Variants in VPS26A observed in about 807,000 individuals in gnomAD.
The protein encoded by VPS26A is VPS26 retromer complex component A, also known as vacuolar protein sorting-associated protein 26A.
In VPS26A, 22 loss-of-function variants were observed where a neutral mutation model predicts 42.4. The observed-to-expected ratio is 0.52, with a 90% CI of 0.37 to 0.74. The LOEUF (loss-of-function observed/expected upper bound fraction) is 0.74, where lower values mean the gene tolerates loss of function less well. VPS26A is among the 30% of genes least tolerant of loss of function. The pLI, the probability that VPS26A is intolerant of heterozygous loss-of-function variation, is 0.00. For synonymous variants in VPS26A, 110 were observed against 123.5 expected (o/e 0.89, Z 0.73); for missense variants, 276 against 379.2 (o/e 0.73, Z 2.26).
At chr10:69,130,747 T>G (rs10762258) in intron 1 of VPS26A, among the ~76,000 whole-genome samples, 8,713 of 152,214 alleles carry the variant, frequency 0.057, 286 homozygotes, top group South Asian at 0.13. Context: ...ACCTTACATG[T>G]TTTTTGCTTA....
chr10:69,151,285 A>AAAAAC (rs1414098287), intron 2 of VPS26A, among the ~76,000 whole-genome samples: 57 of 131,686 alleles, frequency 4.3e-4, no homozygotes, highest in African/African-American at 1.6e-3. Context: ...AAAAAAAAAC[A>AAAAAC]CACACACACA....
intron 2 of VPS26A, among the ~76,000 whole-genome samples, chr10:69,142,357 TA>T (rs201431063): frequency 4.0e-3 from 269 of 67,200 alleles, no homozygotes; most frequent in Non-Finnish European, 0.012. Context: ...CCTGGCTAAT[TA>T]AAAAAATTTT....
At chr10:69,155,942 G>T in intron 3 of VPS26A, 55 bp downstream of exon 3, 2 of 1,401,296 alleles carry the variant, frequency 1.4e-6, no homozygotes, top group Non-Finnish European at 2.0e-6. Context: ...TTTGAAGAGG[G>T]TTGGATTTTG....
intron 1 of VPS26A, among the ~76,000 whole-genome samples, chr10:69,124,538 A>G (rs1403090699): frequency 6.6e-6 from 1 of 152,034 alleles, no homozygotes; most frequent in Non-Finnish European, 1.5e-5. Flanking sequence ...GCGTTCTTCG[A>G]CTGCTTGTTG....
In VPS26A at chr10:69,132,962, C is replaced by T; in HGVS notation, c.68C>T (p.Thr23Ile). 6.2e-7 allele frequency: 1 copy of T among 1,611,382 alleles called. No homozygotes were observed. Among genetic ancestry groups the T allele is most frequent in the Non-Finnish European group, 8.5e-7 (1 of 1,179,376 alleles). Reference sequence around the variant, plus strand: ...GATATTGTTCTTAATGATGGGGAAACCAGGAAAATGGCAGAAATGAAAACT... The same window carrying T: ...GATATTGTTCTTAATGATGGGGAAATCAGGAAAATGGCAGAAATGAAAACT... The part of the protein sequence containing the change: ...EIDIVLNDGE[T>I]RKMAEMKTED... Residue 23 changes from threonine to isoleucine, a missense_variant, in exon 2 of 9, where the codon ACC (threonine) becomes ATC (isoleucine). By Grantham distance (89) the Thr-to-Ile change is moderately conservative. Coordinates refer to ENST00000263559, the MANE Select transcript of VPS26A (RefSeq NM_004896.5).
intron 6 of VPS26A, among the ~76,000 whole-genome samples, chr10:69,163,679 G>A (rs913631052): frequency 2.6e-5 from 4 of 151,970 alleles, no homozygotes; most frequent in Admixed American, 1.3e-4. Flanking sequence ...ATATATTCAA[G>A]ATGTATGATG....
At chr10:69,160,127 T>TAC (rs71035066) in intron 5 of VPS26A, among the ~76,000 whole-genome samples, 13,579 of 148,210 alleles carry the variant, frequency 0.092, 665 homozygotes, top group African/African-American at 0.14. Context: ...ACATAATTTT[T>TAC]ACACACACAC....
At position 69,132,922 on chromosome 10, in the gene VPS26A, C is replaced by T; in HGVS notation, c.28C>T (p.Pro10Ser). ...GAGTTTTCTTGGAGGCTTTTTTGGTCCAATTTGTGAGATCGATATTGTTCT... is the reference window on the plus strand; with the variant it reads ...GAGTTTTCTTGGAGGCTTTTTTGGTTCAATTTGTGAGATCGATATTGTTCT... MSFLGGFFGPICEIDIVLND... is the reference protein window; with the variant it reads MSFLGGFFGSICEIDIVLND... The change falls in exon 2 of 9, where the codon CCA (proline) becomes TCA (serine). Residue 10 changes from proline to serine, a missense_variant. Transcript: ENST00000263559. 6.3e-7 allele frequency: 1 copy of T among 1,583,516 alleles called. No homozygotes were observed. The highest frequency in any genetic ancestry group is 2.0e-5 in the Admixed American group (1 of 50,550).
chr10:69,167,742 C>CA (rs35974356), intron 7 of VPS26A, among the ~76,000 whole-genome samples: 2,018 of 65,790 alleles, frequency 0.031, 92 homozygotes, highest in African/African-American at 0.095. Context: ...GACTCCATCT[C>CA]AAAAAAAAAA....
Position 69,168,540 on chromosome 10 carries a change from C to CTG in VPS26A, c.779_780insTG (p.Met261GlufsTer2). Reference sequence around the variant, plus strand: ...TTAGCAGGATATGACCCAACTCCAACAATGAGAGATGTGAACAAAAAATTT... The same window carrying CTG: ...TTAGCAGGATATGACCCAACTCCAACTGAATGAGAGATGTGAACAAAAAATTT... On this transcript the variant is annotated frameshift_variant, in exon 8 of 9. Coordinates refer to ENST00000263559, the MANE Select transcript of VPS26A (RefSeq NM_004896.5). LOFTEE classifies it high-confidence loss of function. 6.2e-7 allele frequency: 1 copy of CTG among 1,614,024 alleles called. No homozygotes were observed. The highest frequency in any genetic ancestry group is 8.5e-7 in the Non-Finnish European group (1 of 1,179,982).
At chr10:69,162,646 G>T in intron 6 of VPS26A, 134 bp downstream of exon 6, 2 of 484,598 alleles carry the variant, frequency 4.1e-6, no homozygotes, top group Non-Finnish European at 7.1e-6. Context: ...CTGGCAGTAA[G>T]TTATTTAATG....
At chr10:69,124,518 G>A (rs565068340) in intron 1 of VPS26A, among the ~76,000 whole-genome samples, 165 of 152,332 alleles carry the variant, frequency 1.1e-3, no homozygotes, top group Non-Finnish European at 2.1e-3. Flanking sequence ...CCATGTCGGA[G>A]CCTCTGCCCG....
chr10:69,125,740 G>C (rs1342797392), intron 1 of VPS26A, among the ~76,000 whole-genome samples: 1 of 152,192 alleles, frequency 6.6e-6, no homozygotes, highest in Non-Finnish European at 1.5e-5. Context: ...AAAATTTGCT[G>C]TTTCATTGCT....
intron 2 of VPS26A, among the ~76,000 whole-genome samples, chr10:69,155,294 G>T (rs918692666): frequency 9.9e-5 from 15 of 152,274 alleles, no homozygotes; most frequent in African/African-American, 3.4e-4. Context: ...AACTGAAAGT[G>T]ATACCTCAAT....
intron 1 of VPS26A, among the ~76,000 whole-genome samples, chr10:69,125,139 TA>T (rs1840622149): frequency 6.6e-6 from 1 of 152,234 alleles, no homozygotes; most frequent in Non-Finnish European, 1.5e-5. Context: ...TATGCTCTCC[TA>T]ATACTACCTG....
chr10:69,158,170 T>C lies in VPS26A; in HGVS notation c.510T>C (p.Ile170=), dbSNP rs1404690387. 3.1e-6 allele frequency: 5 copies of C among 1,609,936 alleles called. No homozygotes were observed. In the Admixed American group the frequency reaches 5.1e-5, roughly 16 times the overall value. The change falls in exon 5 of 9, where the codon ATT becomes ATC. Residue 170 remains isoleucine (I), a synonymous_variant. Coordinates refer to ENST00000263559, the MANE Select transcript of VPS26A (RefSeq NM_004896.5). The part of the protein sequence containing the change: ...VNNSIKMEVG[I]EDCLHIEFEY... ...ACTCTATTAAGATGGAAGTGGGCAT[T>C]GAAGATTGTCTACATATAGAATTTG...
intron 8 of VPS26A, 26 bp downstream of exon 8, chr10:69,168,657 A>G (rs905584581): frequency 6.8e-6 from 11 of 1,608,692 alleles, no homozygotes; most frequent in Non-Finnish European, 6.8e-6. Context: ...GGCTGGTATT[A>G]TGTTCTGCGG....
At position 69,162,523 on chromosome 10, in the gene VPS26A, AAG is replaced by A. The variant is rs749599461; in HGVS notation, c.658+14_658+15del. The A allele has an allele frequency of 1.4e-6, 2 of 1,453,970 alleles. No individual in the cohort carries two copies. Among genetic ancestry groups the A allele is most frequent in the South Asian group, 2.5e-5 (2 of 79,698 alleles). The allele number at this position is 1,453,970 out of a possible 1,614,324, so 90.1% of individuals were successfully genotyped here. On this transcript the variant is annotated intron_variant, in intron 6 of 8. Transcript: ENST00000263559. ...AGATCACAGGAATTGGTAAGTTGAA[AAG>A]AGTATGTAAATTAAAATTCTTTGTT...
chr10:69,165,530 A>G (rs1244316659), intron 6 of VPS26A, among the ~76,000 whole-genome samples: 1 of 152,090 alleles, frequency 6.6e-6, no homozygotes, highest in Non-Finnish European at 1.5e-5. Flanking sequence ...AAATGTGGCC[A>G]GGTGCGGTCG....
Sources: allele counts gnomAD v4.1 joint callset (sites outside exome capture counted in the v4.1 genomes callset), GRCh38; gene constraint gnomAD v4.1.1; transcripts MANE v1.5; gene names NCBI Gene and HGNC (gene_info 2026-07-23, HGNC 2026-07-21).